KCNN2: variants seen among roughly 807,000 people sequenced by gnomAD.
The protein encoded by KCNN2 is small conductance calcium-activated potassium channel protein 2.
Under a neutral mutation model 55.5 loss-of-function variants are expected in KCNN2, and 24 were observed. That is an observed-to-expected ratio of 0.43 (90% CI 0.31 to 0.61). The LOEUF is 0.61. KCNN2 is among the 20% of genes least tolerant of loss of function. The probability of loss-of-function intolerance (pLI) is 0.08; values close to 1 mark genes in which losing one functional copy is unlikely to be tolerated. For synonymous variants in KCNN2, 431 were observed against 336.1 expected (o/e 1.28, Z -3.09); for missense variants, 754 against 853.6 (o/e 0.88, Z 1.45).
chr5:114,290,408 C>T (rs1426012643), intron 2 of KCNN2, among the ~76,000 whole-genome samples: 3 of 151,896 alleles, frequency 2.0e-5, no homozygotes, highest in South Asian at 2.1e-4. Flanking sequence ...GTATTATAAT[C>T]CTTTTTATTC....
At chr5:114,305,985 G>C (rs1171007351) in intron 2 of KCNN2, among the ~76,000 whole-genome samples, 1 of 152,094 alleles carries the variant, frequency 6.6e-6, no homozygotes, top group African/African-American at 2.4e-5. Context: ...TGATCATCAG[G>C]TCTAATAACA....
intron 1 of KCNN2, among the ~76,000 whole-genome samples, chr5:114,104,253 T>C (rs1294657516): frequency 6.6e-6 from 1 of 152,182 alleles, no homozygotes. Context: ...TTTGTATTTC[T>C]TTGGGATCAG....
At chr5:114,341,968 C>G (rs1463819154) in intron 2 of KCNN2, among the ~76,000 whole-genome samples, 3 of 149,720 alleles carry the variant, frequency 2.0e-5, no homozygotes, top group Non-Finnish European at 4.4e-5. Context: ...GTGGCATGAT[C>G]TCGGCTCACT....
At chr5:114,072,284 C>T (rs1488147976) in intron 1 of KCNN2, among the ~76,000 whole-genome samples, 3 of 151,212 alleles carry the variant, frequency 2.0e-5, no homozygotes, top group African/African-American at 4.9e-5. Flanking sequence ...AAGAGTAAAA[C>T]TCCATCTAAA....
intron 2 of KCNN2, among the ~76,000 whole-genome samples, chr5:114,277,709 A>G (rs983784737): frequency 2.0e-5 from 3 of 152,090 alleles, no homozygotes; most frequent in Admixed American, 6.6e-5. Flanking sequence ...GGTCTTCTCT[A>G]CACTGTTTAT....
At chr5:114,075,728 AG>A (rs112707920) in intron 1 of KCNN2, among the ~76,000 whole-genome samples, 1 of 151,914 alleles carries the variant, frequency 6.6e-6, no homozygotes, top group African/African-American at 2.4e-5. Flanking sequence ...TTTTTAGCTA[AG>A]GGGGCATTAA....
chr5:114,362,168 G>A lies in KCNN2; in HGVS notation c.29G>A (p.Gly10Asp). 5.9e-6 allele frequency: 1 copy of A among 170,052 alleles called. No homozygotes were observed. The allele number at this position is 170,052 out of a possible 1,614,324, so 10.5% of individuals were successfully genotyped here. ...GAAACCCCATTGCAGTTCCAGCGCGGCTTCTTCCCAGAGCAGCCGCCGCCG... is the reference window on the plus strand; with the variant it reads ...GAAACCCCATTGCAGTTCCAGCGCGACTTCTTCCCAGAGCAGCCGCCGCCG... METPLQFQR[G>D]FFPEQPPPPP... is the part of the protein sequence containing the mutation. The change falls in exon 1 of 8, where the codon GGC becomes GAC. Residue 10 changes from glycine to aspartate, a missense_variant. Around this residue, in one of 4 missense-constraint regions of KCNN2, gnomAD observed 381 missense variants for 259.1 expected, o/e 1.47. Transcript: ENST00000673685.
At chr5:114,194,795 T>A (rs1328665214) in intron 1 of KCNN2, among the ~76,000 whole-genome samples, 2 of 152,066 alleles carry the variant, frequency 1.3e-5, no homozygotes, top group Non-Finnish European at 2.9e-5. Flanking sequence ...GTGAGTCTTC[T>A]AAGAGTTTTA....
At chr5:114,284,859 C>T (rs1042164644) in intron 2 of KCNN2, among the ~76,000 whole-genome samples, 12 of 152,080 alleles carry the variant, frequency 7.9e-5, no homozygotes, top group Admixed American at 2.0e-4. Flanking sequence ...CACCACTGTA[C>T]GGGTGAAATC....
chr5:114,159,327 C>A (rs1421631032), intron 1 of KCNN2, among the ~76,000 whole-genome samples: 6 of 152,134 alleles, frequency 3.9e-5, no homozygotes, highest in Non-Finnish European at 7.4e-5. Context: ...ATATATTGAA[C>A]CAGCCTTGCA....
At chr5:114,339,040 G>C (rs1191916612) in intron 2 of KCNN2, among the ~76,000 whole-genome samples, 2 of 152,254 alleles carry the variant, frequency 1.3e-5, no homozygotes, top group African/African-American at 4.8e-5. Context: ...AGCCTTCGCT[G>C]TTGCTCTGTG....
At chr5:114,213,614 A>G (rs1347291288) in intron 1 of KCNN2, among the ~76,000 whole-genome samples, 2 of 152,066 alleles carry the variant, frequency 1.3e-5, no homozygotes, top group East Asian at 1.9e-4. Context: ...CAAACTATTG[A>G]AAGCATTTTT....
intron 2 of KCNN2, among the ~76,000 whole-genome samples, chr5:114,262,688 T>A (rs1331110583): frequency 6.6e-6 from 1 of 152,208 alleles, no homozygotes; most frequent in East Asian, 1.9e-4. Flanking sequence ...AACTTATGTT[T>A]TTAAAATTTT....
chr5:114,124,189 A>T (rs1451131712), intron 1 of KCNN2, among the ~76,000 whole-genome samples: 1 of 152,220 alleles, frequency 6.6e-6, no homozygotes, highest in African/African-American at 2.4e-5. Context: ...GATTGAAATT[A>T]TCAAAGGGAT....
chr5:114,112,511 T>A lies in KCNN2; in HGVS notation c.-271+56011T>A, dbSNP rs375158263. 1.8e-3 allele frequency among the ~76,000 whole-genome samples: 267 copies of A among 152,102 alleles called. 8 individuals are homozygous for A. The South Asian group carries it at 0.053, about 30-fold the overall frequency. On this transcript the variant is annotated intron_variant, in intron 1 of 10. Transcript: ENST00000512097. Reference sequence around the variant, plus strand: ...ATAAATAAATAAAAAGGCTTCTGGGTCACATGAGCTTTTCCAAAAACACAT... The same window carrying A: ...ATAAATAAATAAAAAGGCTTCTGGGACACATGAGCTTTTCCAAAAACACAT...
intron 2 of KCNN2, among the ~76,000 whole-genome samples, chr5:114,329,180 A>G (rs1244871415): frequency 4.6e-5 from 7 of 152,182 alleles, no homozygotes; most frequent in African/African-American, 7.2e-5. Context: ...TACACTCATC[A>G]GCTGATGATG....
intron 1 of KCNN2, among the ~76,000 whole-genome samples, chr5:114,113,239 G>A (rs1397672391): frequency 6.6e-6 from 1 of 151,924 alleles, no homozygotes; most frequent in Non-Finnish European, 1.5e-5. Context: ...TACTCTTTAA[G>A]GCTATTTCTT....
chr5:114,279,127 A>G (rs1416946581), intron 2 of KCNN2, among the ~76,000 whole-genome samples: 3 of 152,118 alleles, frequency 2.0e-5, no homozygotes, highest in Non-Finnish European at 4.4e-5. Context: ...GACTGTAATA[A>G]TAATGCCCTT....
chr5:114,057,544 G>GC (rs1199898102), intron 1 of KCNN2, among the ~76,000 whole-genome samples: 5 of 152,224 alleles, frequency 3.3e-5, no homozygotes, highest in African/African-American at 1.2e-4. Flanking sequence ...GCTAGGAGAT[G>GC]CAACAGTGGA....
Sources: gnomAD v4.1 joint callset for allele counts (sites outside exome capture counted in the v4.1 genomes callset) on GRCh38, gnomAD v4.1.1 for gene constraint, gnomAD v4.1.1 regional missense constraint, MANE v1.5 for transcripts, NCBI Gene and HGNC (gene_info 2026-07-23, HGNC 2026-07-21) for gene names.